Variants in GOLM2 observed in about 807,000 individuals in gnomAD.
The protein encoded by GOLM2 is golgi membrane protein 2.
GOLM2 carries 26 observed loss-of-function variants against 55.9 expected under a neutral mutation model. The observed-to-expected ratio is 0.47, with a 90% CI of 0.34 to 0.65. GOLM2 has a LOEUF of 0.65. Among genes scored for constraint, GOLM2 ranks in the 30% least tolerant of loss-of-function variants. The probability of loss-of-function intolerance (pLI) is 0.01; values close to 1 mark genes in which losing one functional copy is unlikely to be tolerated. For missense variants in GOLM2, 486 were observed against 531.8 expected (o/e 0.91, Z 0.85); for synonymous variants, 165 against 194.6 (o/e 0.85, Z 1.27).
intron 8 of GOLM2, among the ~76,000 whole-genome samples, chr15:44,400,702 G>A (rs920981968): frequency 3.4e-5 from 5 of 146,770 alleles, no homozygotes; most frequent in South Asian, 2.3e-4. Flanking sequence ...TCAGCCTCCC[G>A]AGTAGCTGGG....
chr15:44,408,995 A>C (rs1477790594), intron 9 of GOLM2, among the ~76,000 whole-genome samples: 1 of 151,358 alleles, frequency 6.6e-6, no homozygotes, highest in Non-Finnish European at 1.5e-5. Context: ...AATCCCAAAA[A>C]GGACGGGCAC....
At chr15:44,389,873 T>C (rs1362891955) in intron 8 of GOLM2, 1 of 152,200 alleles carries the variant, frequency 6.6e-6, no homozygotes, top group Non-Finnish European at 1.5e-5. Flanking sequence ...GCAGAGACAG[T>C]TTCACCATGT....
chr15:44,400,574 C>CTTTTT (rs59386038), intron 8 of GOLM2, among the ~76,000 whole-genome samples: 1 of 111,022 alleles, frequency 9.0e-6, no homozygotes. Flanking sequence ...GCCTTGCCGC[C>CTTTTT]TTTTTTTTTT....
intron 8 of GOLM2, among the ~76,000 whole-genome samples, chr15:44,395,635 A>G (rs538046393): frequency 2.6e-5 from 4 of 151,886 alleles, no homozygotes; most frequent in East Asian, 3.9e-4. Flanking sequence ...AGGTCAAAAG[A>G]TCAAGACCAT....
At chr15:44,363,807 T>C (rs554274795) in intron 6 of GOLM2, among the ~76,000 whole-genome samples, 3 of 151,596 alleles carry the variant, frequency 2.0e-5, no homozygotes, top group Admixed American at 6.5e-5. Context: ...TGTCCAACAA[T>C]GATAGACTGG....
intron 8 of GOLM2, among the ~76,000 whole-genome samples, chr15:44,394,847 G>T (rs1444118568): frequency 6.6e-6 from 1 of 152,048 alleles, no homozygotes; most frequent in Admixed American, 6.6e-5. Flanking sequence ...ACTACCAAAT[G>T]AATAAATGAA....
At chr15:44,364,644 A>G (rs1240647785) in intron 6 of GOLM2, among the ~76,000 whole-genome samples, 1 of 151,914 alleles carries the variant, frequency 6.6e-6, no homozygotes, top group Non-Finnish European at 1.5e-5. Flanking sequence ...GCAGTGAGCC[A>G]TGATTACACC....
chr15:44,301,944 A>G (rs75679357), intron 1 of GOLM2, among the ~76,000 whole-genome samples: 8,930 of 151,384 alleles, frequency 0.059, 422 homozygotes, highest in East Asian at 0.19. Flanking sequence ...AGCCAAGGTC[A>G]TGGCACCACT....
intron 8 of GOLM2, among the ~76,000 whole-genome samples, chr15:44,381,436 A>G (rs2079402273): frequency 6.6e-6 from 1 of 152,158 alleles, no homozygotes; most frequent in Admixed American, 6.6e-5. Flanking sequence ...CTGCAATTGC[A>G]TTTTCCTCAT....
intron 8 of GOLM2, among the ~76,000 whole-genome samples, chr15:44,385,615 T>C (rs1288203758): frequency 6.6e-6 from 1 of 152,114 alleles, no homozygotes; most frequent in Non-Finnish European, 1.5e-5. Flanking sequence ...GGCACAGTCA[T>C]AGCTCACTGC....
intron 6 of GOLM2, among the ~76,000 whole-genome samples, chr15:44,376,123 C>T (rs1273107394): frequency 6.6e-6 from 1 of 152,208 alleles, no homozygotes; most frequent in African/African-American, 2.4e-5. Context: ...ATCCCAGCTA[C>T]TTGGGACGGC....
At chr15:44,357,464 A>G (rs1157229261) in intron 6 of GOLM2, among the ~76,000 whole-genome samples, 2 of 152,230 alleles carry the variant, frequency 1.3e-5, no homozygotes, top group Non-Finnish European at 2.9e-5. Flanking sequence ...GTGATGAGAA[A>G]CTAGAAGTTT....
At chr15:44,356,843 A>G (rs2079201535) in intron 6 of GOLM2, among the ~76,000 whole-genome samples, 1 of 152,172 alleles carries the variant, frequency 6.6e-6, no homozygotes, top group Non-Finnish European at 1.5e-5. Flanking sequence ...AAAATTCTCA[A>G]TGAAATATTA....
chr15:44,379,704 C>G lies in GOLM2; in HGVS notation c.817C>G (p.Pro273Ala). Residue 273 changes from proline (P) to alanine (A), a missense_variant, in exon 7 of 10, where the codon CCT (proline) becomes GCT (alanine). By Grantham distance (27) the Pro-to-Ala change is conservative (BLOSUM62 -1). Coordinates refer to ENST00000299957, the MANE Select transcript of GOLM2 (RefSeq NM_138423.4). ...DDLPPALRKP[P>A]ISVSQHESHQ... ...TTTTCTTCTAGCTTTAAGGAAGCCT[C>G]CTATTTCAGTTTCTCAACATGAAAG... 1 of 1,587,274 alleles carries G rather than the reference C, an allele frequency of 6.3e-7. No individual in the cohort carries two copies. Among genetic ancestry groups the G allele is most frequent in the African/African-American group, 1.4e-5 (1 of 73,104 alleles).
intron 1 of GOLM2, among the ~76,000 whole-genome samples, chr15:44,317,347 A>T (rs1038879432): frequency 6.6e-6 from 1 of 152,206 alleles, no homozygotes; most frequent in African/African-American, 2.4e-5. Context: ...ACTGCACTCT[A>T]GCCTGGGCAG....
chr15:44,412,807 A>G (rs1331788896), intron 9 of GOLM2, among the ~76,000 whole-genome samples: 3 of 152,218 alleles, frequency 2.0e-5, no homozygotes, highest in Non-Finnish European at 4.4e-5. Context: ...GTTTGAGACC[A>G]GCCTGGCCAA....
intron 6 of GOLM2, among the ~76,000 whole-genome samples, chr15:44,358,609 G>C (rs2079213547): frequency 6.6e-6 from 1 of 152,026 alleles, no homozygotes; most frequent in Non-Finnish European, 1.5e-5. Context: ...CAATACAATG[G>C]GGTAGACAGT....
chr15:44,310,438 T>TTCTCTCTC (rs778563022), intron 1 of GOLM2, among the ~76,000 whole-genome samples: 53 of 136,600 alleles, frequency 3.9e-4, no homozygotes, highest in African/African-American at 1.3e-3. Flanking sequence ...GAGTCTCTCT[T>TTCTCTCTC]TCTCTCTCTC....
chr15:44,407,228 T>C (rs1441383791), intron 9 of GOLM2, among the ~76,000 whole-genome samples: 1 of 146,846 alleles, frequency 6.8e-6, no homozygotes, highest in Admixed American at 6.9e-5. Context: ...TTTAATATAT[T>C]TATATTATAA....
Sources: allele counts gnomAD v4.1 joint callset (sites outside exome capture counted in the v4.1 genomes callset), GRCh38; gene constraint gnomAD v4.1.1; transcripts MANE v1.5; gene names NCBI Gene and HGNC (gene_info 2026-07-23, HGNC 2026-07-21).